Variants in ARHGAP18 observed in about 807,000 individuals in gnomAD.
ARHGAP18 encodes the protein Rho GTPase activating protein 18, also known as rho GTPase-activating protein 18.
Under a neutral mutation model 86.2 loss-of-function variants are expected in ARHGAP18, and 67 were observed. The ratio of observed to expected loss-of-function variants is 0.78; its 90% CI spans 0.64 to 0.95. The LOEUF is 0.95. Ranked by LOEUF, ARHGAP18 falls within the 40% of genes least tolerant of loss-of-function variation. ARHGAP18 has a pLI of 0.00. For missense variants in ARHGAP18, 691 were observed against 780.4 expected, an observed-to-expected ratio of 0.89 and a Z score of 1.37; for synonymous variants, 283 against 280.4, an observed-to-expected ratio of 1.01 and a Z score of -0.09.
intron 1 of ARHGAP18, among the ~76,000 whole-genome samples, chr6:129,645,248 C>T (rs963200204): frequency 4.6e-5 from 7 of 152,162 alleles, no homozygotes; most frequent in African/African-American, 1.7e-4. Context: ...GTACTTCAGA[C>T]AGGCAGTGAC....
intron 1 of ARHGAP18, among the ~76,000 whole-genome samples, chr6:129,686,978 C>CTTTTTTTTTTTTTTTTTTTTTTT (rs71028176): frequency 4.7e-5 from 5 of 106,940 alleles, no homozygotes; most frequent in East Asian, 2.6e-4. Context: ...TTTTTTTTTT[C>CTTTTTTTTTTTTTTTTTTTTTTT]TTTTTTTTTT....
At chr6:129,584,513 C>G (rs1030527698) in intron 12 of ARHGAP18, among the ~76,000 whole-genome samples, 1 of 152,124 alleles carries the variant, frequency 6.6e-6, no homozygotes, top group Non-Finnish European at 1.5e-5. Flanking sequence ...TGGACATTCA[C>G]AAAATTTCAC....
In ARHGAP18 at chr6:129,634,099, C is replaced by A. The variant is rs141026635; in HGVS notation, c.559G>T (p.Gly187Cys). ...QQRESKETAP[G>C]GTESQSLRTN... Reference sequence around the variant, plus strand: ...CTAAGTGACTGCGATTCAGTGCCACCTGGAGCCTAAACATAGAAAACAGGC... The same window carrying A: ...CTAAGTGACTGCGATTCAGTGCCACATGGAGCCTAAACATAGAAAACAGGC... The change falls in exon 4 of 15, where the codon GGT (glycine) becomes TGT (cysteine). Residue 187 changes from glycine to cysteine, a missense_variant. Gly to Cys is a radical substitution (Grantham distance 159). Transcript: ENST00000368149. 1 of 1,613,624 alleles carries A rather than the reference C, an allele frequency of 6.2e-7. No homozygotes were observed. Among genetic ancestry groups the A allele is most frequent in the African/African-American group, 1.3e-5 (1 of 74,974 alleles).
At chr6:129,691,690 C>T (rs990756071) in intron 1 of ARHGAP18, among the ~76,000 whole-genome samples, 6 of 152,138 alleles carry the variant, frequency 3.9e-5, no homozygotes. Flanking sequence ...GAGGTGTGAA[C>T]TACCCAACAA....
intron 4 of ARHGAP18, among the ~76,000 whole-genome samples, chr6:129,630,415 C>T (rs1773175215): frequency 6.6e-6 from 1 of 152,154 alleles, no homozygotes; most frequent in Non-Finnish European, 1.5e-5. Context: ...CTGATTTTCT[C>T]ACTGTTGACC....
chr6:129,656,689 C>G (rs905559474), intron 1 of ARHGAP18, among the ~76,000 whole-genome samples: 2 of 151,966 alleles, frequency 1.3e-5, no homozygotes, highest in Non-Finnish European at 2.9e-5. Flanking sequence ...ATCAATAGCA[C>G]AGTAAGAGGA....
intron 1 of ARHGAP18, among the ~76,000 whole-genome samples, chr6:129,707,464 T>A (rs993671875): frequency 5.3e-5 from 8 of 151,776 alleles, no homozygotes; most frequent in East Asian, 1.9e-4. Context: ...AGCTTTTATT[T>A]TTTATTTATT....
chr6:129,669,215 A>C (rs1354133044), intron 1 of ARHGAP18, among the ~76,000 whole-genome samples: 1 of 149,600 alleles, frequency 6.7e-6, no homozygotes, highest in South Asian at 2.1e-4. Flanking sequence ...TCTCTCGCCC[A>C]GGCTGGAGTG....
intron 1 of ARHGAP18, among the ~76,000 whole-genome samples, chr6:129,669,523 T>C (rs1474266336): frequency 2.0e-5 from 3 of 147,118 alleles, no homozygotes; most frequent in Non-Finnish European, 4.5e-5. Context: ...CGGTGGCTCA[T>C]GCCTGTAATC....
chr6:129,676,348 C>G (rs1220974834), intron 1 of ARHGAP18, among the ~76,000 whole-genome samples: 1 of 152,108 alleles, frequency 6.6e-6, no homozygotes, highest in Non-Finnish European at 1.5e-5. Flanking sequence ...GCAACAGGTC[C>G]AATAACACCA....
chr6:129,592,493 G>A (rs1441194304), intron 12 of ARHGAP18, among the ~76,000 whole-genome samples: 1 of 152,038 alleles, frequency 6.6e-6, no homozygotes, highest in Non-Finnish European at 1.5e-5. Flanking sequence ...AGTCACGTAA[G>A]CTCTCTAAAG....
intron 1 of ARHGAP18, among the ~76,000 whole-genome samples, chr6:129,693,110 C>T (rs553099152): frequency 1.7e-4 from 26 of 152,264 alleles, no homozygotes; most frequent in African/African-American, 4.8e-4. Context: ...AGCTGTTCAT[C>T]GGTAACTGTG....
intron 1 of ARHGAP18, among the ~76,000 whole-genome samples, chr6:129,662,699 A>C (rs2114520492): frequency 6.6e-6 from 1 of 152,358 alleles, no homozygotes; most frequent in Non-Finnish European, 1.5e-5. Flanking sequence ...CCTACAGCTC[A>C]CATTGATACA....
intron 1 of ARHGAP18, among the ~76,000 whole-genome samples, chr6:129,650,463 A>C (rs1426474802): frequency 6.6e-6 from 1 of 152,164 alleles, no homozygotes; most frequent in African/African-American, 2.4e-5. Context: ...GGTTCTGGGT[A>C]GAAGTGAGAT....
At chr6:129,681,146 C>T (rs1192530893) in intron 1 of ARHGAP18, among the ~76,000 whole-genome samples, 2 of 152,182 alleles carry the variant, frequency 1.3e-5, no homozygotes, top group Non-Finnish European at 2.9e-5. Context: ...AGCACAATCG[C>T]GGCTCACTGT....
chr6:129,625,096 G>GATATATGAT (rs1789332009), intron 5 of ARHGAP18, among the ~76,000 whole-genome samples: 2 of 65,534 alleles, frequency 3.1e-5, no homozygotes, highest in Non-Finnish European at 5.7e-5. Context: ...TATGATATAT[G>GATATATGAT]ATATATATTA....
intron 1 of ARHGAP18, among the ~76,000 whole-genome samples, chr6:129,675,383 C>CAA (rs71664105): frequency 1.4e-3 from 131 of 90,602 alleles, no homozygotes; most frequent in Middle Eastern, 0.012. Flanking sequence ...GACTCCATCT[C>CAA]AAAAAAAAAA....
At chr6:129,681,657 A>G (rs939246753) in intron 1 of ARHGAP18, among the ~76,000 whole-genome samples, 1 of 152,240 alleles carries the variant, frequency 6.6e-6, no homozygotes, top group African/African-American at 2.4e-5. Flanking sequence ...AGAATAAATA[A>G]TTCATTTCAT....
At position 129,629,352 on chromosome 6, in the gene ARHGAP18, C is replaced by A. The variant is rs138161171; in HGVS notation, c.786+1G>T. 8.7e-5 allele frequency: 140 copies of A among 1,612,752 alleles called. No individual in the cohort carries two copies. The highest frequency in any genetic ancestry group is 1.2e-4 in the Non-Finnish European group (138 of 1,179,618). On this transcript the variant is annotated splice_donor_variant, in intron 5 of 14. Coordinates refer to ENST00000368149, the MANE Select transcript of ARHGAP18 (RefSeq NM_033515.3). LOFTEE classifies it high-confidence loss of function. The stretch of plus-strand genomic sequence containing the variant: ...ATATTTATAAAGAGTGTACTACGTA[C>A]AGGTAATGTGGCATCATCGCCTTTG...
Sources: gnomAD v4.1 joint callset for allele counts (sites outside exome capture counted in the v4.1 genomes callset) on GRCh38, gnomAD v4.1.1 for gene constraint, MANE v1.5 for transcripts, NCBI Gene and HGNC (gene_info 2026-07-23, HGNC 2026-07-21) for gene names.